Variants in CPAMD8 observed in about 807,000 individuals in gnomAD.
CPAMD8 encodes the protein C3 and PZP-like alpha-2-macroglobulin domain-containing protein 8.
In CPAMD8, 146 loss-of-function variants were observed where a neutral mutation model predicts 224.7. The observed-to-expected ratio is 0.65, with a 90% confidence interval of 0.57 to 0.75. The LOEUF (loss-of-function observed/expected upper bound fraction) is 0.75, where lower values mean the gene tolerates loss of function less well. Among genes scored for constraint, CPAMD8 ranks in the 30% least tolerant of loss-of-function variants. The pLI is 0.00. For missense variants in CPAMD8, 2,301 were observed against 2,537.5 expected, an observed-to-expected ratio of 0.91 and a Z score of 2.00; for synonymous variants, 966 against 1,044.6, an observed-to-expected ratio of 0.92 and a Z score of 1.45.
intron 23 of CPAMD8, among the ~76,000 whole-genome samples, chr19:16,937,247 A>G (rs2053725238): frequency 6.7e-6 from 1 of 149,370 alleles, no homozygotes; most frequent in African/African-American, 2.5e-5. Context: ...CAATCCTCCC[A>G]CCTCCACCTC....
intron 7 of CPAMD8, among the ~76,000 whole-genome samples, chr19:17,005,046 A>G (rs2123074802): frequency 6.6e-6 from 1 of 152,122 alleles, no homozygotes; most frequent in African/African-American, 2.4e-5. Flanking sequence ...CACTACTGAC[A>G]TTTAGGGCCA....
At chr19:16,954,690 TAA>T in intron 19 of CPAMD8, among the ~76,000 whole-genome samples, 1 of 152,084 alleles carries the variant, frequency 6.6e-6, no homozygotes, top group South Asian at 2.1e-4. Context: ...TATTCAACCT[TAA>T]AAGGGAAGGA....
At chr19:16,985,559 G>A (rs2055689650) in intron 13 of CPAMD8, among the ~76,000 whole-genome samples, 1 of 149,266 alleles carries the variant, frequency 6.7e-6, no homozygotes, top group Non-Finnish European at 1.5e-5. Flanking sequence ...GGTGGAGAAA[G>A]GAAGGAAGGG....
chr19:16,990,598 C>T (rs1013052019), intron 12 of CPAMD8, among the ~76,000 whole-genome samples: 3 of 152,018 alleles, frequency 2.0e-5, no homozygotes, highest in African/African-American at 7.3e-5. Flanking sequence ...GGCGCGATGG[C>T]TCACGCCTGT....
In CPAMD8 at chr19:16,902,766, G is replaced by C; in HGVS notation, c.4568C>G (p.Pro1523Arg). ...ACCCTCAGCTGCGGAGGCAGGCATGGGGGGCGGGCGTCCCTGGGCCTCAGG... is the reference window on the plus strand; with the variant it reads ...ACCCTCAGCTGCGGAGGCAGGCATGCGGGGCGGGCGTCCCTGGGCCTCAGG... ...QEPEAQGRPPPMPASAAEGSR... is the reference protein window; with the variant it reads ...QEPEAQGRPPRMPASAAEGSR... The change falls in exon 35 of 42, where the codon CCC (proline) becomes CGC (arginine). Residue 1523 changes from proline to arginine, a missense_variant. Transcript: ENST00000443236. 1 of 1,592,618 alleles carries C rather than the reference G, an allele frequency of 6.3e-7. No individual in the cohort carries two copies. The highest frequency in any genetic ancestry group is 8.6e-7 in the Non-Finnish European group (1 of 1,166,062).
chr19:16,974,117 C>A (rs1327108166), intron 17 of CPAMD8, among the ~76,000 whole-genome samples: 20 of 151,368 alleles, frequency 1.3e-4, no homozygotes, highest in Admixed American at 4.6e-4. Flanking sequence ...CATGAGCCAC[C>A]GCGCTCAGCC....
chr19:16,931,999 C>T (rs763248800), intron 23 of CPAMD8, among the ~76,000 whole-genome samples: 2 of 151,926 alleles, frequency 1.3e-5, no homozygotes, highest in African/African-American at 4.8e-5. Flanking sequence ...AAACACCAAA[C>T]GTATAGACAT....
At chr19:17,022,809 A>G (rs896030220) in intron 1 of CPAMD8, among the ~76,000 whole-genome samples, 1 of 152,092 alleles carries the variant, frequency 6.6e-6, no homozygotes, top group Admixed American at 6.6e-5. Flanking sequence ...CTTCTGGCCC[A>G]GGACCTTTGC....
chr19:16,902,616 G>A, intron 35 of CPAMD8, 33 bp downstream of exon 35: 1 of 1,435,158 alleles, frequency 7.0e-7, no homozygotes, highest in South Asian at 1.2e-5. Flanking sequence ...CACCCTCCTG[G>A]GATGCCCACG....
At chr19:16,924,738 G>A (rs2053297198) in intron 26 of CPAMD8, among the ~76,000 whole-genome samples, 1 of 152,032 alleles carries the variant, frequency 6.6e-6, no homozygotes, top group Non-Finnish European at 1.5e-5. Flanking sequence ...GTGCCACCAT[G>A]TCTGGCTAAC....
At chr19:16,923,015 C>T (rs940011106) in intron 26 of CPAMD8, among the ~76,000 whole-genome samples, 1 of 152,224 alleles carries the variant, frequency 6.6e-6, no homozygotes, top group South Asian at 2.1e-4. Flanking sequence ...CGCCCTCTGT[C>T]CCCCACAGCC....
At chr19:17,006,111 C>T (rs933111140) in intron 7 of CPAMD8, among the ~76,000 whole-genome samples, 5 of 151,976 alleles carry the variant, frequency 3.3e-5, no homozygotes, top group East Asian at 1.9e-4. Context: ...TTTAGGCACC[C>T]GCCACCATGT....
At chr19:17,025,619 G>A (rs576555309) in intron 1 of CPAMD8, among the ~76,000 whole-genome samples, 14 of 152,218 alleles carry the variant, frequency 9.2e-5, no homozygotes, top group Middle Eastern at 6.8e-3. Context: ...CTCCCTATTT[G>A]TGACAACCAA....
At chr19:17,002,229 G>GCC in intron 9 of CPAMD8, 37 bp downstream of exon 9, 1 of 1,370,944 alleles carries the variant, frequency 7.3e-7, no homozygotes, top group Non-Finnish European at 1.0e-6. Context: ...AAGGGGAAGG[G>GCC]CCCCCCCAGT....
chr19:16,954,030 G>GT (rs1338621145), intron 19 of CPAMD8, among the ~76,000 whole-genome samples: 1 of 152,206 alleles, frequency 6.6e-6, no homozygotes, highest in Non-Finnish European at 1.5e-5. Context: ...GGAGGCCGAG[G>GT]TGGGTGGATC....
At chr19:16,993,612 C>G in intron 11 of CPAMD8, 26 bp from the exon 12 acceptor site, 1 of 1,610,984 alleles carries the variant, frequency 6.2e-7, no homozygotes, top group Non-Finnish European at 8.5e-7. Flanking sequence ...CAAGACACAA[C>G]AGAGTTAAGA....
In CPAMD8 at chr19:17,022,039, C is replaced by T; in HGVS notation, c.235G>A (p.Ala79Thr). ...CACCCAAGGGACCTACCCAGGATGG[C>T]TCCCTGGCTCTGCACCACCGGCTCA... ...QGEPVVQSQG[A>T]ILDKGTIKLK... is the part of the protein sequence containing the mutation. The change falls in exon 2 of 42, where the codon GCC becomes ACC. Residue 79 changes from alanine (A) to threonine (T), a missense_variant. This residue lies in a region of CPAMD8 where 283 missense variants were observed against 340.6 expected (regional missense o/e 0.83). Coordinates refer to ENST00000443236, the MANE Select transcript of CPAMD8 (RefSeq NM_015692.5). 6.2e-7 allele frequency: 1 copy of T among 1,603,070 alleles called. No homozygotes were observed. The highest frequency in any genetic ancestry group is 1.1e-5 in the South Asian group (1 of 89,210).
Position 16,976,103 on chromosome 19 carries a change from C to G in CPAMD8, c.1807G>C (p.Asp603His). ...CCCCTTGCAGCCCTGATCCGCAGGTCGACAACCTCCCCAGGTTGGGTCTCA... is the reference window on the plus strand; with the variant it reads ...CCCCTTGCAGCCCTGATCCGCAGGTGGACAACCTCCCCAGGTTGGGTCTCA... ...ANETQPGEVV[D>H]LRIRAARGSC... The change falls in exon 16 of 42, where the codon GAC (aspartate) becomes CAC (histidine). Residue 603 changes from aspartate (D) to histidine (H), a missense_variant. Physicochemically the swap from Asp to His is moderately conservative, Grantham distance 81. Coordinates refer to ENST00000443236, the MANE Select transcript of CPAMD8 (RefSeq NM_015692.5). 2 of 1,612,856 alleles carry G rather than the reference C, an allele frequency of 1.2e-6. No individual in the cohort carries two copies. Among genetic ancestry groups the G allele is most frequent in the Admixed American group, 1.7e-5 (1 of 59,908 alleles).
chr19:17,008,795 GA>G (rs1245480578), intron 6 of CPAMD8: 2 of 575,074 alleles, frequency 3.5e-6, no homozygotes, highest in Non-Finnish European at 6.2e-6. Context: ...TACAAACCTA[GA>G]AATGGACGTG....
Sources: allele counts gnomAD v4.1 joint callset (sites outside exome capture counted in the v4.1 genomes callset), GRCh38; gene constraint gnomAD v4.1.1; regional missense constraint gnomAD v4.1.1; transcripts MANE v1.5; gene names NCBI Gene and HGNC (gene_info 2026-07-23, HGNC 2026-07-21).